The following RELL1 variants were observed in gnomAD, a reference collection of about 807,000 sequenced individuals.
RELL1 encodes RELT-like protein 1.
A neutral mutation model predicts 23.0 loss-of-function variants in RELL1; 10 were observed. That is an observed-to-expected ratio of 0.43 (90% CI 0.27 to 0.74). RELL1 has a LOEUF of 0.74. Among genes scored for constraint, RELL1 ranks in the 30% least tolerant of loss-of-function variants. The pLI, the probability that RELL1 is intolerant of heterozygous loss-of-function variation, is 0.19. For synonymous variants in RELL1, 146 were observed against 146.8 expected (o/e 0.99, Z 0.04); for missense variants, 315 against 364.4 (o/e 0.86, Z 1.10).
downstream of RELL1, among the ~76,000 whole-genome samples, chr4:37,610,601 G>A (rs746790537): frequency 5.9e-5 from 9 of 152,114 alleles, no homozygotes; most frequent in Admixed American, 1.3e-4. The surrounding 1 kb of genome is among the most constrained non-coding windows in gnomAD (Gnocchi z 4.1). Context: ...TGTACAAGGC[G>A]CCAATAATTG....
At chr4:37,599,613 A>G (rs973231707) in intron 6 of RELL1, among the ~76,000 whole-genome samples, 1 of 152,170 alleles carries the variant, frequency 6.6e-6, no homozygotes, top group Non-Finnish European at 1.5e-5. Flanking sequence ...CTACTACAGG[A>G]CTTTTGGTGA....
chr4:37,681,960 A>G (rs1023587963), intron 1 of RELL1, among the ~76,000 whole-genome samples: 2 of 152,198 alleles, frequency 1.3e-5, no homozygotes, highest in Non-Finnish European at 2.9e-5. Flanking sequence ...TTCTTACTCA[A>G]AAAAATAGTT....
At chr4:37,650,870 G>A (rs949459174) in intron 1 of RELL1, among the ~76,000 whole-genome samples, 1 of 151,322 alleles carries the variant, frequency 6.6e-6, no homozygotes, top group African/African-American at 2.4e-5. Flanking sequence ...ACCAGCCTGG[G>A]CAACATGGTG....
chr4:37,647,352 A>G lies in RELL1; in HGVS notation c.385+16T>C. The G allele has an allele frequency of 6.3e-7, 1 of 1,592,352 alleles. No homozygotes were observed. The highest frequency in any genetic ancestry group is 8.6e-7 in the Non-Finnish European group (1 of 1,160,468). The stretch of plus-strand genomic sequence containing the variant: ...TAGGAATACTGAATTGTTTTGGAAC[A>G]CTAAAATGTTCACACCTTCATTTTT... On this transcript the variant is annotated intron_variant, in intron 3 of 6. Coordinates refer to ENST00000454158, the MANE Select transcript of RELL1 (RefSeq NM_001085400.2).
At chr4:37,633,447 G>T (rs1031420058) in intron 5 of RELL1, among the ~76,000 whole-genome samples, 2 of 109,736 alleles carry the variant, frequency 1.8e-5, no homozygotes, top group African/African-American at 3.3e-5. Flanking sequence ...AAAAAAAAAA[G>T]GCATGTTGAA....
downstream of RELL1, among the ~76,000 whole-genome samples, chr4:37,589,836 C>T (rs1432652946): frequency 3.9e-5 from 6 of 152,108 alleles, no homozygotes; most frequent in African/African-American, 1.2e-4. Flanking sequence ...TTCACCATGT[C>T]GGTCAGGCTG....
In RELL1 at chr4:37,686,340, A is replaced by T; in HGVS notation, c.-53T>A. 4.4e-6 allele frequency: 6 copies of T among 1,362,280 alleles called. No homozygotes were observed. The highest frequency in any genetic ancestry group is 5.8e-6 in the Non-Finnish European group (6 of 1,036,906). 84.4% of individuals were successfully genotyped at this position (1,362,280 alleles called of 1,614,324 possible). A position where few individuals can be genotyped will look rare whatever the true frequency, so the allele number is the denominator to read the frequency against. ...AGGGCGCCGCGTCCCGCGCTCGGGAAGGCAGAGCCGCTCCGGAGCCGGCGG... is the reference window on the plus strand; with the variant it reads ...AGGGCGCCGCGTCCCGCGCTCGGGATGGCAGAGCCGCTCCGGAGCCGGCGG... On this transcript the variant is annotated 5_prime_UTR_variant, in exon 1 of 7. Transcript: ENST00000454158.
intron 1 of RELL1, among the ~76,000 whole-genome samples, chr4:37,677,832 C>T (rs145618939): frequency 0.02 from 3,046 of 152,152 alleles, 51 homozygotes; most frequent in Non-Finnish European, 0.033. Flanking sequence ...ATTAGCCGGG[C>T]ATGGTGGCAG....
intron 1 of RELL1, among the ~76,000 whole-genome samples, chr4:37,660,071 C>T (rs1459850522): frequency 6.6e-6 from 1 of 152,074 alleles, no homozygotes; most frequent in African/African-American, 2.4e-5. Flanking sequence ...CACACACACA[C>T]CCATTTTTAT....
At chr4:37,607,272 G>A (rs1719252004), downstream of RELL1, among the ~76,000 whole-genome samples, 1 of 152,180 alleles carries the variant, frequency 6.6e-6, no homozygotes, top group African/African-American at 2.4e-5. Context: ...TTAATGAATG[G>A]TACTGTACCA....
intron 6 of RELL1, among the ~76,000 whole-genome samples, chr4:37,630,811 A>G (rs1720104593): frequency 6.6e-6 from 1 of 152,136 alleles, no homozygotes. Flanking sequence ...CAGAACTGTG[A>G]CACAAAGAAA....
At chr4:37,678,491 T>G (rs180958785) in intron 1 of RELL1, among the ~76,000 whole-genome samples, 104 of 152,252 alleles carry the variant, frequency 6.8e-4, no homozygotes, top group African/African-American at 2.2e-3. Flanking sequence ...CAGACCCTAC[T>G]CCTTCGGGCA....
chr4:37,638,028 T>C (rs1720394160), intron 4 of RELL1, among the ~76,000 whole-genome samples: 1 of 152,168 alleles, frequency 6.6e-6, no homozygotes, highest in Non-Finnish European at 1.5e-5. Flanking sequence ...GAACAGACAG[T>C]TAATATTGTG....
downstream of RELL1, chr4:37,590,417 G>A (rs1179426095): frequency 1.9e-6 from 3 of 1,613,316 alleles, no homozygotes; most frequent in East Asian, 2.2e-5. Context: ...GATGACAGGG[G>A]CTCCTGGGCC....
At chr4:37,668,486 G>A (rs1182612537) in intron 1 of RELL1, among the ~76,000 whole-genome samples, 25 of 152,108 alleles carry the variant, frequency 1.6e-4, no homozygotes, top group African/African-American at 5.3e-4. Flanking sequence ...CCGAGGTGCC[G>A]GGATTGCAGA....
chr4:37,587,048 T>C (rs908318964), downstream of RELL1, among the ~76,000 whole-genome samples: 1 of 152,194 alleles, frequency 6.6e-6, no homozygotes, highest in South Asian at 2.1e-4. Context: ...GGCCACACTC[T>C]TTCCAGAGGC....
chr4:37,635,833 G>GCCCTT (rs1308244625), intron 4 of RELL1, among the ~76,000 whole-genome samples: 1 of 152,148 alleles, frequency 6.6e-6, no homozygotes, highest in Non-Finnish European at 1.5e-5. Flanking sequence ...AAGTATATAT[G>GCCCTT]CCCTGGAAAA....
At chr4:37,673,079 T>A (rs1203139730) in intron 1 of RELL1, among the ~76,000 whole-genome samples, 1 of 152,122 alleles carries the variant, frequency 6.6e-6, no homozygotes, top group African/African-American at 2.4e-5. Flanking sequence ...AATTTGAAGG[T>A]ATTTACTCTA....
intron 1 of RELL1, among the ~76,000 whole-genome samples, chr4:37,683,154 T>C (rs572220150): frequency 9.9e-5 from 15 of 152,242 alleles, no homozygotes; most frequent in Admixed American, 3.9e-4. Flanking sequence ...CTTACAATTT[T>C]ATGACGTTCT....
Sources: allele counts gnomAD v4.1 joint callset (sites outside exome capture counted in the v4.1 genomes callset), GRCh38; gene constraint gnomAD v4.1.1; non-coding constraint Gnocchi (gnomAD v3.1); transcripts MANE v1.5; gene names NCBI Gene and HGNC (gene_info 2026-07-23, HGNC 2026-07-21).